TRIM24: variants seen among roughly 807,000 people sequenced by gnomAD.
TRIM24 encodes transcription intermediary factor 1-alpha.
TRIM24 carries 29 observed loss-of-function variants against 123.9 expected under a neutral mutation model. The observed-to-expected ratio is 0.23, with a 90% confidence interval of 0.17 to 0.32. The LOEUF (loss-of-function observed/expected upper bound fraction) is 0.32, where lower values mean the gene tolerates loss of function less well. TRIM24 is among the 10% of genes least tolerant of loss of function. TRIM24 has a pLI of 1.00. For synonymous variants in TRIM24, 456 were observed against 461.1 expected (o/e 0.99, Z 0.14); for missense variants, 932 against 1,295.3 (o/e 0.72, Z 4.31).
At chr7:138,462,775 ACT>A (rs1795031777) in intron 1 of TRIM24, among the ~76,000 whole-genome samples, 1 of 152,120 alleles carries the variant, frequency 6.6e-6, no homozygotes, top group South Asian at 2.1e-4. Flanking sequence ...CAGGTTGGAC[ACT>A]CTCAGATCCT....
chr7:138,567,652 C>A lies in TRIM24; in HGVS notation c.1702C>A (p.Gln568Lys). 5.6e-6 allele frequency: 9 copies of A among 1,610,252 alleles called. No individual in the cohort carries two copies. Among genetic ancestry groups the A allele is most frequent in the Non-Finnish European group, 7.6e-6 (9 of 1,178,716 alleles). The change falls in exon 10 of 19, where the codon CAG becomes AAG. Residue 568 changes from glutamine to lysine, a missense_variant and splice_region_variant. This residue lies in a region of TRIM24 where 527 missense variants were observed against 691.3 expected (regional missense o/e 0.76). Transcript: ENST00000343526. ...TTTCTTGGCTCAACAAGCCATAAAACAGGTATATATCTACCTTCTTTTCTC... is the reference window on the plus strand; with the variant it reads ...TTTCTTGGCTCAACAAGCCATAAAAAAGGTATATATCTACCTTCTTTTCTC... ...MAFLAQQAIKQWQISSGQGTP... is the reference protein window; with the variant it reads ...MAFLAQQAIKKWQISSGQGTP...
intron 2 of TRIM24, among the ~76,000 whole-genome samples, chr7:138,505,136 A>G (rs1250510383): frequency 6.6e-6 from 1 of 152,218 alleles, no homozygotes; most frequent in Non-Finnish European, 1.5e-5. Context: ...ACATTAGTTA[A>G]TTGATCTATA....
At chr7:138,550,812 CAG>C (rs1205108672) in intron 7 of TRIM24, among the ~76,000 whole-genome samples, 3 of 152,160 alleles carry the variant, frequency 2.0e-5, no homozygotes, top group Non-Finnish European at 4.4e-5. Flanking sequence ...AGTGATTCTG[CAG>C]AGTTTTATTA....
intron 1 of TRIM24, 66 bp downstream of exon 1, chr7:138,460,978 G>T (rs1328080327): frequency 7.5e-7 from 1 of 1,333,772 alleles, no homozygotes; most frequent in Non-Finnish European, 9.6e-7. Flanking sequence ...GCGCCCTTGT[G>T]CGGCGCGACC....
chr7:138,491,250 T>C (rs1289079748), intron 1 of TRIM24: 1 of 240,998 alleles, frequency 4.1e-6, no homozygotes, highest in Non-Finnish European at 8.4e-6. Flanking sequence ...CTGATATTTC[T>C]TGGACATAGC....
intron 4 of TRIM24, among the ~76,000 whole-genome samples, chr7:138,523,270 T>C (rs1226987999): frequency 6.6e-6 from 1 of 152,228 alleles, no homozygotes; most frequent in East Asian, 1.9e-4. Flanking sequence ...AAAGGATATC[T>C]GTCAATAATA....
chr7:138,576,183 G>A (rs1159924510), intron 12 of TRIM24, among the ~76,000 whole-genome samples, 190 bp from the exon 13 acceptor site: 1 of 152,186 alleles, frequency 6.6e-6, no homozygotes, highest in East Asian at 1.9e-4. Context: ...AGTCAATAGT[G>A]CAGAGGCTGA....
chr7:138,467,078 A>G (rs909780205), intron 1 of TRIM24, among the ~76,000 whole-genome samples: 1 of 152,208 alleles, frequency 6.6e-6, no homozygotes, highest in Admixed American at 6.5e-5. Context: ...AAAATCAGCC[A>G]TCTGTGTGTG....
chr7:138,519,038 A>G lies in TRIM24; in HGVS notation c.632-151A>G, dbSNP rs1796454645. 8 of 843,984 alleles carry G rather than the reference A, an allele frequency of 9.5e-6. No homozygotes were observed. In the South Asian group the frequency reaches 1.5e-4, roughly 16 times the overall value. 52.3% of individuals were successfully genotyped at this position (843,984 alleles called of 1,614,324 possible). A position where few individuals can be genotyped will look rare whatever the true frequency, so the allele number is the denominator to read the frequency against. On this transcript the variant is annotated intron_variant, in intron 3 of 18. Transcript: ENST00000343526. The stretch of plus-strand genomic sequence containing the variant: ...AATGCTGACAATATGTGATATCTTA[A>G]TATCTGTAATTCTTAGTGAAAGTTA...
At chr7:138,526,089 C>A (rs140567055) in intron 5 of TRIM24, among the ~76,000 whole-genome samples, 3 of 152,184 alleles carry the variant, frequency 2.0e-5, no homozygotes, top group African/African-American at 7.2e-5. Flanking sequence ...AAAGAAATGT[C>A]ACTGCCTAAA....
At chr7:138,532,309 G>C (rs1164532387) in intron 6 of TRIM24, among the ~76,000 whole-genome samples, 1 of 152,026 alleles carries the variant, frequency 6.6e-6, no homozygotes, top group Non-Finnish European at 1.5e-5. Flanking sequence ...TTCCTGAATG[G>C]TATTGCCTAG....
At chr7:138,463,989 C>CCTTTTTTTTTTTTTTTTT (rs1554429651) in intron 1 of TRIM24, among the ~76,000 whole-genome samples, 1 of 50,766 alleles carries the variant, frequency 2.0e-5, no homozygotes, top group African/African-American at 8.2e-5. Context: ...AAAATTTAGA[C>CCTTTTTTTTTTTTTTTTT]TTTTTTTTTT....
chr7:138,494,974 C>G (rs1795870698), intron 1 of TRIM24, among the ~76,000 whole-genome samples: 1 of 152,086 alleles, frequency 6.6e-6, no homozygotes, highest in South Asian at 2.1e-4. Context: ...AAAAAGAATG[C>G]AGGTAGATCT....
chr7:138,502,640 T>G (rs1796066656), intron 1 of TRIM24, among the ~76,000 whole-genome samples: 1 of 152,204 alleles, frequency 6.6e-6, no homozygotes, highest in Non-Finnish European at 1.5e-5. Flanking sequence ...TAACACTTAA[T>G]GTTTTATAAA....
Position 138,567,476 on chromosome 7 carries a change from TC to T in TRIM24, c.1531-4del. On this transcript the variant is annotated splice_region_variant and splice_polypyrimidine_tract_variant and intron_variant, in intron 9 of 18. Coordinates refer to ENST00000343526, the MANE Select transcript of TRIM24 (RefSeq NM_015905.3). ...TACTAAATTGGTTTAATTTCTTTTT[TC>T]TAGCAACCGCCTCCACGTTTGATAA... 6.3e-7 allele frequency: 1 copy of T among 1,598,238 alleles called. No individual in the cohort carries two copies. The highest frequency in any genetic ancestry group is 8.5e-7 in the Non-Finnish European group (1 of 1,174,162).
intron 12 of TRIM24, among the ~76,000 whole-genome samples, chr7:138,574,541 T>C (rs1358177057): frequency 6.6e-6 from 1 of 152,200 alleles, no homozygotes; most frequent in Non-Finnish European, 1.5e-5. Context: ...AAAGAGGAAA[T>C]ACATTTATCC....
At chr7:138,462,880 T>TTTA (rs1795037741) in intron 1 of TRIM24, among the ~76,000 whole-genome samples, 4 of 151,340 alleles carry the variant, frequency 2.6e-5, no homozygotes, top group African/African-American at 9.7e-5. Context: ...TTATTTATTT[T>TTTA]TTTTTTGAGA....
intron 1 of TRIM24, chr7:138,490,850 G>A: frequency 4.4e-6 from 2 of 457,612 alleles, no homozygotes; most frequent in Non-Finnish European, 8.5e-6. Flanking sequence ...GTACCTGTCA[G>A]GTCATGATTT....
chr7:138,554,887 T>C lies in TRIM24; in HGVS notation c.1451T>C (p.Val484Ala), dbSNP rs768574518. 1.2e-6 allele frequency: 2 copies of C among 1,614,104 alleles called. No individual in the cohort carries two copies. Among genetic ancestry groups the C allele is most frequent in the Admixed American group, 3.3e-5 (2 of 60,016 alleles). The change falls in exon 9 of 19, where the codon GTG becomes GCG. Residue 484 changes from valine to alanine, a missense_variant. Physicochemically the swap from Val to Ala is moderately conservative, Grantham distance 64. This residue lies in a region of TRIM24 where 527 missense variants were observed against 691.3 expected (regional missense o/e 0.76). Coordinates refer to ENST00000343526, the MANE Select transcript of TRIM24 (RefSeq NM_015905.3). This position sits in a 1 kb window ranked among gnomAD's most constrained non-coding sequence, Gnocchi z 4.5. ...QQQVMAQRQQ[V>A]QRRPAPVGLP... ...CAGGTAATGGCTCAGAGGCAACAGG[T>C]GCAACGGAGGCCAGCACCTGTGGGT...
Sources: gnomAD v4.1 joint callset for allele counts (sites outside exome capture counted in the v4.1 genomes callset) on GRCh38, gnomAD v4.1.1 for gene constraint, gnomAD v4.1.1 regional missense constraint, Gnocchi (gnomAD v3.1) non-coding constraint, MANE v1.5 for transcripts, NCBI Gene and HGNC (gene_info 2026-07-23, HGNC 2026-07-21) for gene names.